The following TIAM1 variants were observed in gnomAD, a reference collection of about 807,000 sequenced individuals.
TIAM1 encodes TIAM Rac1 associated GEF 1, also known as rho guanine nucleotide exchange factor TIAM1.
Under a neutral mutation model 163.5 loss-of-function variants are expected in TIAM1, and 65 were observed. The observed-to-expected ratio is 0.40, with a 90% CI of 0.33 to 0.49. The LOEUF (loss-of-function observed/expected upper bound fraction) is 0.49, where lower values mean the gene tolerates loss of function less well. TIAM1 is among the 20% of genes least tolerant of loss of function. The pLI, the probability that TIAM1 is intolerant of heterozygous loss-of-function variation, is 0.77. For synonymous variants in TIAM1, 833 were observed against 810.1 expected, an observed-to-expected ratio of 1.03 and a Z score of -0.48; for missense variants, 1,789 against 2,044.7, an observed-to-expected ratio of 0.87 and a Z score of 2.41.
intron 2 of TIAM1, among the ~76,000 whole-genome samples, chr21:31,278,405 G>A (rs924256398): frequency 6.6e-6 from 1 of 152,214 alleles, no homozygotes; most frequent in African/African-American, 2.4e-5. Flanking sequence ...TGCTGGTAGA[G>A]GTGAAATTAC....
At chr21:31,242,860 CAAAAAAA>C (rs11417948) in intron 6 of TIAM1, among the ~76,000 whole-genome samples, 1,723 of 95,054 alleles carry the variant, frequency 0.018, 46 homozygotes, top group African/African-American at 0.073. Flanking sequence ...GACTCTGTCT[CAAAAAAA>C]AAAAAAAAAA....
chr21:31,147,403 C>T (rs952782527), intron 19 of TIAM1, among the ~76,000 whole-genome samples: 5 of 151,912 alleles, frequency 3.3e-5, no homozygotes, highest in African/African-American at 4.8e-5. Context: ...CTCCCGCCCC[C>T]GAAGCAGAAA....
chr21:31,305,599 A>C (rs1367692697), intron 2 of TIAM1, among the ~76,000 whole-genome samples: 2 of 152,122 alleles, frequency 1.3e-5, no homozygotes, highest in Non-Finnish European at 2.9e-5. Context: ...TGGAAATTTT[A>C]TCAACGGCCA....
chr21:31,147,701 T>C (rs150351413), intron 19 of TIAM1, among the ~76,000 whole-genome samples: 4,052 of 144,218 alleles, frequency 0.028, 85 homozygotes, highest in South Asian at 0.078. Flanking sequence ...TTCTATAAAA[T>C]ATATATTTTA....
At chr21:31,145,955 T>C (rs950621802) in intron 20 of TIAM1, among the ~76,000 whole-genome samples, 5 of 152,218 alleles carry the variant, frequency 3.3e-5, no homozygotes, top group South Asian at 4.1e-4. Context: ...AAAGTCACAG[T>C]TTCCAAGAAC....
intron 16 of TIAM1, among the ~76,000 whole-genome samples, chr21:31,159,520 T>A (rs2083795308): frequency 6.6e-6 from 1 of 152,180 alleles, no homozygotes; most frequent in Non-Finnish European, 1.5e-5. Context: ...GGGGCCAGAG[T>A]GGCCTAAAAT....
intron 2 of TIAM1, among the ~76,000 whole-genome samples, chr21:31,387,805 T>C (rs1451168814): frequency 6.6e-6 from 1 of 151,882 alleles, no homozygotes; most frequent in Non-Finnish European, 1.5e-5. Flanking sequence ...GCAGCAGCAG[T>C]GTGTGGGTCT....
intron 2 of TIAM1, among the ~76,000 whole-genome samples, chr21:31,400,002 CCTGA>C (rs1358275732): frequency 1.3e-5 from 2 of 151,920 alleles, no homozygotes; most frequent in Non-Finnish European, 2.9e-5. Context: ...GTCAGAGAAG[CCTGA>C]CTGTCAGCTG....
intron 14 of TIAM1, among the ~76,000 whole-genome samples, chr21:31,184,476 T>G (rs2085188572): frequency 6.6e-6 from 1 of 152,154 alleles, no homozygotes; most frequent in Non-Finnish European, 1.5e-5. Flanking sequence ...GGGATCGTGT[T>G]TGTGGACCAG....
intron 3 of TIAM1, among the ~76,000 whole-genome samples, chr21:31,267,502 C>T (rs866595478): frequency 4.1e-5 from 6 of 145,218 alleles, no homozygotes; most frequent in African/African-American, 1.3e-4. Flanking sequence ...ACAATGGGTA[C>T]GTTTCGTTTT....
chr21:31,205,316 C>G, intron 11 of TIAM1, among the ~76,000 whole-genome samples: 1 of 152,164 alleles, frequency 6.6e-6, no homozygotes, highest in East Asian at 1.9e-4. Flanking sequence ...TTCATGGGTT[C>G]TTAGTAACAG....
At chr21:31,163,254 A>G (rs1277837846) in intron 16 of TIAM1, among the ~76,000 whole-genome samples, 1 of 152,238 alleles carries the variant, frequency 6.6e-6, no homozygotes, top group Non-Finnish European at 1.5e-5. Flanking sequence ...GTAACTTAAT[A>G]GATACCCTTC....
At chr21:31,484,665 T>C (rs1340984382) in intron 1 of TIAM1, among the ~76,000 whole-genome samples, 1 of 152,188 alleles carries the variant, frequency 6.6e-6, no homozygotes, top group Non-Finnish European at 1.5e-5. Context: ...TAATCTCAGC[T>C]TCCTGCTCCT....
chr21:31,418,341 CAAAAAAA>C (rs71193114), intron 2 of TIAM1, among the ~76,000 whole-genome samples: 1,321 of 34,658 alleles, frequency 0.038, 46 homozygotes, highest in East Asian at 0.25. Context: ...GACTCTGTCT[CAAAAAAA>C]AAAAAAAAAA....
intron 15 of TIAM1, among the ~76,000 whole-genome samples, chr21:31,179,902 AT>A (rs764892757): frequency 0.03 from 3,980 of 131,246 alleles, 76 homozygotes; most frequent in African/African-American, 0.092. Flanking sequence ...ACATACACAG[AT>A]TTTTTTTTTT....
At chr21:31,414,807 A>C (rs2043317126) in intron 2 of TIAM1, among the ~76,000 whole-genome samples, 1 of 152,230 alleles carries the variant, frequency 6.6e-6, no homozygotes, top group Admixed American at 6.5e-5. Flanking sequence ...GAACTGGAAA[A>C]AGGTCACGTC....
In TIAM1 at chr21:31,266,141, C is replaced by T; in HGVS notation, c.832G>A (p.Glu278Lys). 1 of 1,614,184 alleles carries T rather than the reference C, an allele frequency of 6.2e-7. No individual in the cohort carries two copies. Among genetic ancestry groups the T allele is most frequent in the Middle Eastern group, 1.6e-4 (1 of 6,062 alleles). Residue 278 changes from glutamate to lysine, a missense_variant, in exon 4 of 28, where the codon GAA becomes AAA. Glu to Lys is a moderately conservative substitution (Grantham distance 56). Transcript: ENST00000541036. ...ANHKMPPAAA[E>K]ETPPYSNYNT... is the part of the protein sequence containing the mutation. ...TAATTACTGTACGGAGGAGTCTCTT[C>T]AGCAGCAGCTGGTGGCATCTTATGG...
Position 31,394,569 on chromosome 21 carries a change from T to A in TIAM1, c.-368-55147A>T, listed in dbSNP as rs113500722. On this transcript the variant is annotated intron_variant, in intron 2 of 28. Transcript: ENST00000286827. ...AGAAATGCACCAGTCTGGGGCAGGA[T>A]GTTGGTGGTGGGAGAGGTGGGCCAG... is the stretch of plus-strand genomic sequence containing the variant. Among the ~76,000 whole-genome samples the A allele has an allele frequency of 6.0e-3, 909 of 152,210 alleles. 10 individuals carry two copies. The highest frequency in any genetic ancestry group is 0.021 in the African/African-American group (862 of 41,536).
At chr21:31,164,298 A>G (rs1018726134) in intron 16 of TIAM1, among the ~76,000 whole-genome samples, 9 of 151,882 alleles carry the variant, frequency 5.9e-5, no homozygotes, top group East Asian at 3.9e-4. Context: ...GCTGAGGCAG[A>G]AGAATGGCGT....
Sources: allele counts gnomAD v4.1 joint callset (sites outside exome capture counted in the v4.1 genomes callset), GRCh38; gene constraint gnomAD v4.1.1; transcripts MANE v1.5; gene names NCBI Gene and HGNC (gene_info 2026-07-23, HGNC 2026-07-21).